The following TYW1B variants were observed in gnomAD, a reference collection of about 807,000 sequenced individuals.
TYW1B encodes the protein tRNA-yW synthesizing protein 1 homolog B.
TYW1B carries 73 observed loss-of-function variants against 86.9 expected under a neutral mutation model. The ratio of observed to expected loss-of-function variants is 0.84; its 90% CI spans 0.70 to 1.02. The LOEUF (loss-of-function observed/expected upper bound fraction) is 1.02, where lower values mean the gene tolerates loss of function less well. TYW1B is among the 50% of genes least tolerant of loss of function. TYW1B has a pLI of 0.00. For synonymous variants in TYW1B, 248 were observed against 292.8 expected, an observed-to-expected ratio of 0.85 and a Z score of 1.56; for missense variants, 637 against 827.4, an observed-to-expected ratio of 0.77 and a Z score of 2.82.
At chr7:72,751,886 A>G (rs1268377523) in intron 7 of TYW1B, among the ~76,000 whole-genome samples, 1 of 152,116 alleles carries the variant, frequency 6.6e-6, no homozygotes, top group Non-Finnish European at 1.5e-5. Context: ...TTAGACTCCC[A>G]CTGGTCCCTG....
chr7:72,827,643 T>C lies in TYW1B; in HGVS notation c.4+429A>G, dbSNP rs556040388. Among the ~76,000 whole-genome samples, 7 of 152,276 alleles carry C rather than the reference T, an allele frequency of 4.6e-5. No homozygotes were observed. In the East Asian group the frequency reaches 5.8e-4, roughly 13 times the overall value. ...ATAAAAAAAGCTTAAGTAGTAAAAGTATTCTTTTTACTAACTGTACTTTCA... is the reference window on the plus strand; with the variant it reads ...ATAAAAAAAGCTTAAGTAGTAAAAGCATTCTTTTTACTAACTGTACTTTCA... On this transcript the variant is annotated intron_variant, in intron 1 of 13. Transcript: ENST00000620995.
At chr7:72,816,910 T>C (rs1268149569) in intron 2 of TYW1B, among the ~76,000 whole-genome samples, 2 of 152,130 alleles carry the variant, frequency 1.3e-5, no homozygotes, top group Non-Finnish European at 2.9e-5. Flanking sequence ...CGGCCGTTCC[T>C]GAGTTGCATC....
At position 72,637,938 on chromosome 7, in the gene TYW1B, C is replaced by T. The variant is rs566871852; in HGVS notation, c.1507-8941G>A. The stretch of plus-strand genomic sequence containing the variant: ...TTTCTGTTGTGCAATCAAGTACTGG[C>T]CTATTGTTGCTCTTTTGAAAGTAAT... On this transcript the variant is annotated intron_variant, in intron 11 of 13. Transcript: ENST00000620995. Among the ~76,000 whole-genome samples, 4 of 151,622 alleles carry T rather than the reference C, an allele frequency of 2.6e-5. No individual in the cohort carries two copies. In the South Asian group the frequency reaches 8.4e-4, roughly 32 times the overall value.
Position 72,774,078 on chromosome 7 carries a change from A to G in TYW1B, c.964+3338T>C, listed in dbSNP as rs544870693. Among the ~76,000 whole-genome samples the G allele has an allele frequency of 5.0e-3, 756 of 151,324 alleles. 1 individual carries two copies. The highest frequency in any genetic ancestry group is 8.5e-3 in the Non-Finnish European group (579 of 67,738). ...ACTCCATCTCAAAAAAAAAAAAAAA[A>G]AAAGAAACAAAGAAACTATCCCAAA... On this transcript the variant is annotated intron_variant, in intron 7 of 13. Transcript: ENST00000620995.
intron 11 of TYW1B, among the ~76,000 whole-genome samples, chr7:72,634,343 T>A (rs1554440445): frequency 1.7e-5 from 1 of 57,524 alleles, no homozygotes; most frequent in Non-Finnish European, 3.3e-5. Flanking sequence ...CACTCCTAGC[T>A]TTTTTTTTTT....
intron 10 of TYW1B, among the ~76,000 whole-genome samples, chr7:72,704,090 T>C (rs1315527503): frequency 1.3e-5 from 2 of 151,926 alleles, no homozygotes; most frequent in African/African-American, 4.8e-5. Flanking sequence ...AAATTTTGAG[T>C]TGTTATATGA....
chr7:72,635,923 G>A (rs1295668806), intron 11 of TYW1B, among the ~76,000 whole-genome samples: 2 of 152,190 alleles, frequency 1.3e-5, no homozygotes, highest in Admixed American at 6.5e-5. Context: ...CTAAGATCAA[G>A]TGTAGTCTTT....
At chr7:72,702,182 C>T (rs372097108) in intron 10 of TYW1B, among the ~76,000 whole-genome samples, 2 of 152,036 alleles carry the variant, frequency 1.3e-5, no homozygotes, top group East Asian at 1.9e-4. Flanking sequence ...TTAGGAGAAA[C>T]ATCCAAAGGC....
In TYW1B at chr7:72,716,538, G is replaced by A. The variant is rs1278150454; in HGVS notation, c.1193-2740C>T. On this transcript the variant is annotated intron_variant, in intron 9 of 13. Transcript: ENST00000620995. ...GATTTTATTTTAGACACACTGTTCC[G>A]CCAGACCCTGATTGACTTCAGTAGG... 3.3e-5 allele frequency among the ~76,000 whole-genome samples: 5 copies of A among 152,294 alleles called. No individual in the cohort carries two copies. In the East Asian group the frequency reaches 7.7e-4, roughly 24 times the overall value.
At chr7:72,807,545 T>G (rs782263143) in intron 4 of TYW1B, among the ~76,000 whole-genome samples, 189 bp from the exon 5 acceptor site, 4 of 152,186 alleles carry the variant, frequency 2.6e-5, no homozygotes, top group Admixed American at 6.6e-5. Context: ...GGTCATTTTA[T>G]GTATTCTACT....
At position 72,575,382 on chromosome 7, in the gene TYW1B, T is replaced by C; in HGVS notation, c.*116A>G. The C allele has an allele frequency of 1.2e-5, 17 of 1,464,390 alleles. No individual in the cohort carries two copies. The highest frequency in any genetic ancestry group is 1.5e-5 in the South Asian group (1 of 67,322). 90.7% of individuals were successfully genotyped at this position (1,464,390 alleles called of 1,614,324 possible). On this transcript the variant is annotated 3_prime_UTR_variant, in exon 14 of 14. Coordinates refer to ENST00000620995, the MANE Select transcript of TYW1B (RefSeq NM_001145440.3). ...TCTCCATGTTTACTGCCTTATCGTC[T>C]CCTTTGTATGAAAGTATAATTTACG...
intron 13 of TYW1B, among the ~76,000 whole-genome samples, chr7:72,581,127 A>G (rs1811141458): frequency 8.8e-6 from 1 of 113,108 alleles, no homozygotes; most frequent in Non-Finnish European, 1.8e-5. Context: ...AGCCCCCTGC[A>G]TATATTCACA....
chr7:72,721,083 C>G (rs1273392615), intron 9 of TYW1B, among the ~76,000 whole-genome samples: 1 of 152,026 alleles, frequency 6.6e-6, no homozygotes, highest in African/African-American at 2.4e-5. Context: ...TGAATTCATC[C>G]TTTTTTGTGG....
intron 11 of TYW1B, among the ~76,000 whole-genome samples, chr7:72,637,194 T>C (rs1176006568): frequency 2.0e-5 from 3 of 152,064 alleles, no homozygotes; most frequent in Non-Finnish European, 4.4e-5. Context: ...AATAGTTGTG[T>C]AGGGTTGGTG....
intron 10 of TYW1B, among the ~76,000 whole-genome samples, chr7:72,697,201 T>C (rs1814342515): frequency 6.6e-6 from 1 of 152,146 alleles, no homozygotes; most frequent in African/African-American, 2.4e-5. Context: ...GAACAGTACA[T>C]TCCAAAGGCC....
intron 7 of TYW1B, among the ~76,000 whole-genome samples, chr7:72,770,887 T>C (rs1787855033): frequency 6.6e-6 from 1 of 150,930 alleles, no homozygotes; most frequent in African/African-American, 2.4e-5. Flanking sequence ...ATCTCAAAAA[T>C]AGGTTGAGTT....
intron 3 of TYW1B, among the ~76,000 whole-genome samples, chr7:72,814,149 T>C (rs1396782529): frequency 6.6e-6 from 1 of 152,116 alleles, no homozygotes; most frequent in Admixed American, 6.6e-5. Context: ...CATAGCACAC[T>C]GCCATCAATA....
intron 3 of TYW1B, 148 bp from the exon 4 acceptor site, chr7:72,810,813 T>G: frequency 8.7e-7 from 1 of 1,155,148 alleles, no homozygotes; most frequent in Non-Finnish European, 1.2e-6. Flanking sequence ...AGGGCCTGAC[T>G]AAGAAACACA....
chr7:72,735,008 T>C (rs1787173825), intron 8 of TYW1B, among the ~76,000 whole-genome samples: 2 of 152,168 alleles, frequency 1.3e-5, no homozygotes, highest in African/African-American at 2.4e-5. Flanking sequence ...TTGCTGGCAA[T>C]GTAAACTACC....
Sources: allele counts gnomAD v4.1 joint callset (sites outside exome capture counted in the v4.1 genomes callset), GRCh38; gene constraint gnomAD v4.1.1; transcripts MANE v1.5; gene names NCBI Gene and HGNC (gene_info 2026-07-23, HGNC 2026-07-21).